The following RTN4 variants were observed in gnomAD, a reference collection of about 807,000 sequenced individuals.
RTN4 encodes reticulon 4, also known as reticulon-4.
RTN4 carries 32 observed loss-of-function variants against 90.4 expected under a neutral mutation model. That is an observed-to-expected ratio of 0.35 (90% confidence interval 0.27 to 0.48). RTN4 has a LOEUF of 0.48. RTN4 is among the 20% of genes least tolerant of loss of function. RTN4 has a pLI of 0.99. For synonymous variants in RTN4, 629 were observed against 552.5 expected (o/e 1.14, Z -1.94); for missense variants, 1,706 against 1,430.2 (o/e 1.19, Z -3.11).
the RTN4 span, among the ~76,000 whole-genome samples, chr2:55,117,966 C>T: frequency 6.6e-6 from 1 of 152,130 alleles, no homozygotes; most frequent in Non-Finnish European, 1.5e-5. Context: ...TTATATAATG[C>T]ATCTATGCAG....
intron 1 of RTN4, among the ~76,000 whole-genome samples, chr2:55,029,815 T>A (rs1036361225): frequency 4.6e-5 from 7 of 152,216 alleles, no homozygotes; most frequent in African/African-American, 1.7e-4. Context: ...AGGGGTAACA[T>A]AATGGCTTAT....
chr2:55,021,438 G>A (rs886631666), intron 3 of RTN4, among the ~76,000 whole-genome samples: 1 of 148,904 alleles, frequency 6.7e-6, no homozygotes, highest in Non-Finnish European at 1.5e-5. Flanking sequence ...ATAGAAGCAT[G>A]TTAAAGCAAC....
At chr2:55,107,611 T>C (rs889875138) in intron 1 of RTN4, among the ~76,000 whole-genome samples, 4 of 151,962 alleles carry the variant, frequency 2.6e-5, no homozygotes, top group African/African-American at 7.3e-5. Context: ...CTGGTATTTA[T>C]AGAATAAGTT....
chr2:55,010,242 G>C, intron 3 of RTN4: 7 of 1,564,312 alleles, frequency 4.5e-6, no homozygotes, highest in Non-Finnish European at 6.0e-6. Context: ...GAAGTCTGCA[G>C]TCTCCTCTGC....
chr2:55,099,043 C>T (rs1024622369), intron 1 of RTN4, among the ~76,000 whole-genome samples: 22 of 152,108 alleles, frequency 1.4e-4, no homozygotes, highest in African/African-American at 5.3e-4. Context: ...AATCACTTCT[C>T]CTTAAGGCCT....
intron 1 of RTN4, among the ~76,000 whole-genome samples, chr2:55,085,284 T>G (rs958903544): frequency 5.3e-5 from 8 of 151,982 alleles, no homozygotes; most frequent in Admixed American, 2.0e-4. Context: ...TAGGTGTGTG[T>G]GGGGGTGTGT....
At chr2:55,081,463 T>TATATATA (rs1668716313) in intron 1 of RTN4, among the ~76,000 whole-genome samples, 1 of 152,190 alleles carries the variant, frequency 6.6e-6, no homozygotes, top group Non-Finnish European at 1.5e-5. Flanking sequence ...CAGAACAGCA[T>TATATATA]TATTCATACC....
intron 2 of RTN4, among the ~76,000 whole-genome samples, chr2:55,059,361 T>G (rs996556583): frequency 2.0e-5 from 3 of 152,058 alleles, no homozygotes; most frequent in Admixed American, 6.5e-5. Flanking sequence ...TAATTAATAC[T>G]TTTTTTATTT....
chr2:55,077,772 C>CACACACAG (rs1369898587), intron 2 of RTN4, among the ~76,000 whole-genome samples: 1 of 151,574 alleles, frequency 6.6e-6, no homozygotes, highest in East Asian at 1.9e-4. Flanking sequence ...CACACACACA[C>CACACACAG]ACACACACAC....
intron 3 of RTN4, among the ~76,000 whole-genome samples, chr2:55,014,890 A>G (rs780328733): frequency 1.3e-5 from 2 of 152,094 alleles, no homozygotes; most frequent in Admixed American, 1.3e-4. Context: ...TTAAACTTTA[A>G]TGTCTTCATT....
At chr2:55,121,166 A>C in the RTN4 span, among the ~76,000 whole-genome samples, 1 of 152,238 alleles carries the variant, frequency 6.6e-6, no homozygotes, top group Non-Finnish European at 1.5e-5. Context: ...AGTGTCTGAC[A>C]GACACCATAC....
Position 55,050,069 on chromosome 2 carries a change from G to T in RTN4, c.232C>A (p.Leu78Met). 3 of 1,447,692 alleles carry T rather than the reference G, an allele frequency of 2.1e-6. No individual in the cohort carries two copies. Among genetic ancestry groups the T allele is most frequent in the South Asian group, 1.4e-5 (1 of 71,932 alleles). 89.7% of individuals were successfully genotyped at this position (1,447,692 alleles called of 1,614,324 possible). Residue 78 changes from leucine to methionine, a missense_variant, in exon 1 of 9, where the codon CTG becomes ATG. Transcript: ENST00000337526. This position sits in a 1 kb window ranked among gnomAD's most constrained non-coding sequence, Gnocchi z 4.6. ...ACGAAGTCATTTCCGAAGTCCATCA[G>T]GGGCGCGCCGGCGGCAGGGGCGGTG... ...VPTAPAAGAP[L>M]MDFGNDFVPP...
upstream of RTN4, among the ~76,000 whole-genome samples, chr2:55,051,664 A>G (rs981855190): frequency 2.0e-5 from 3 of 152,184 alleles, no homozygotes; most frequent in Admixed American, 2.0e-4. Flanking sequence ...GGTACTGGCT[A>G]CTTGTGGCTA....
rs146518187 is a variant in RTN4, at chr2:55,099,189, G to T, written c.-214+13331C>A. On this transcript the variant is annotated intron_variant, in intron 1 of 3. Coordinates refer to the RTN4 transcript ENST00000427710. ...TACTGGGGCATACAGTTCATATAAGGAAGGCAGAAAAAAATGGTAGAATTT... is the reference window on the plus strand; with the variant it reads ...TACTGGGGCATACAGTTCATATAAGTAAGGCAGAAAAAAATGGTAGAATTT... Among the ~76,000 whole-genome samples, 548 of 152,078 alleles carry T rather than the reference G, an allele frequency of 3.6e-3. 9 individuals carry two copies. The highest frequency in any genetic ancestry group is 0.012 in the African/African-American group (517 of 41,448).
intron 1 of RTN4, among the ~76,000 whole-genome samples, chr2:55,107,776 A>G (rs1558883049): frequency 6.6e-6 from 1 of 152,018 alleles, no homozygotes; most frequent in Non-Finnish European, 1.5e-5. Context: ...CCAACTCAGG[A>G]TTTCTCACCC....
upstream of RTN4, among the ~76,000 whole-genome samples, chr2:55,053,654 A>C (rs2968792): frequency 0.91 from 137,805 of 150,676 alleles, 63,144 homozygotes; most frequent in Middle Eastern, 0.99. Flanking sequence ...CCATTGCACT[A>C]CAGCCTGGGT....
chr2:55,102,659 G>T (rs895016213), intron 1 of RTN4, among the ~76,000 whole-genome samples: 1 of 152,136 alleles, frequency 6.6e-6, no homozygotes, highest in African/African-American at 2.4e-5. Context: ...CATGGTGCTT[G>T]GGATCTGCTG....
intron 3 of RTN4, among the ~76,000 whole-genome samples, chr2:55,011,949 A>T (rs1680675783): frequency 6.6e-6 from 1 of 152,216 alleles, no homozygotes; most frequent in African/African-American, 2.4e-5. Context: ...AAGCCATATC[A>T]TGGCCTGAAA....
intron 1 of RTN4, among the ~76,000 whole-genome samples, chr2:55,096,050 C>A (rs537737481): frequency 1.3e-5 from 2 of 152,190 alleles, no homozygotes; most frequent in East Asian, 3.9e-4. Context: ...CATGCTGGGC[C>A]GGGTATGGTG....
Sources: gnomAD v4.1 joint callset for allele counts (sites outside exome capture counted in the v4.1 genomes callset) on GRCh38, gnomAD v4.1.1 for gene constraint, Gnocchi (gnomAD v3.1) non-coding constraint, MANE v1.5 for transcripts, NCBI Gene and HGNC (gene_info 2026-07-23, HGNC 2026-07-21) for gene names.